The following CCSER1 variants were observed in gnomAD, a reference collection of about 807,000 sequenced individuals.
The protein encoded by CCSER1 is serine-rich coiled-coil domain-containing protein 1.
Under a neutral mutation model 82.0 loss-of-function variants are expected in CCSER1, and 41 were observed. The observed-to-expected ratio is 0.50, with a 90% CI of 0.39 to 0.65. The LOEUF (loss-of-function observed/expected upper bound fraction) is 0.65, where lower values mean the gene tolerates loss of function less well. Ranked by LOEUF, CCSER1 falls within the 30% of genes least tolerant of loss-of-function variation. The pLI, the probability that CCSER1 is intolerant of heterozygous loss-of-function variation, is 0.00. For missense variants in CCSER1, 1,119 were observed against 1,064.2 expected (o/e 1.05, Z -0.72); for synonymous variants, 414 against 383.9 (o/e 1.08, Z -0.92).
At chr4:90,514,469 T>C (rs1446610850) in intron 5 of CCSER1, among the ~76,000 whole-genome samples, 3 of 152,108 alleles carry the variant, frequency 2.0e-5, no homozygotes, top group Non-Finnish European at 4.4e-5. Flanking sequence ...TAGAAAACAT[T>C]TTAGGCCAGA....
chr4:91,249,518 A>G (rs1330051907), intron 10 of CCSER1, among the ~76,000 whole-genome samples: 1 of 152,066 alleles, frequency 6.6e-6, no homozygotes, highest in Admixed American at 6.6e-5. Flanking sequence ...TTCTGTCTCT[A>G]AAGGGATAAC....
chr4:90,802,077 G>C (rs1303590922), intron 7 of CCSER1, among the ~76,000 whole-genome samples: 1 of 151,790 alleles, frequency 6.6e-6, no homozygotes, highest in Admixed American at 6.6e-5. Flanking sequence ...AATTAGCCAG[G>C]CATGGTGGTG....
chr4:90,492,304 T>C (rs1387028099), intron 5 of CCSER1, among the ~76,000 whole-genome samples: 1 of 152,202 alleles, frequency 6.6e-6, no homozygotes, highest in Non-Finnish European at 1.5e-5. Flanking sequence ...TTGGTTTGCA[T>C]AGAGGTGTTT....
At chr4:90,915,342 G>A (rs879177737) in intron 8 of CCSER1, among the ~76,000 whole-genome samples, 2 of 152,120 alleles carry the variant, frequency 1.3e-5, no homozygotes, top group African/African-American at 4.8e-5. Flanking sequence ...TCATCCCTGG[G>A]ATGTGAGGCG....
At chr4:91,172,656 A>T (rs1039900042) in intron 10 of CCSER1, among the ~76,000 whole-genome samples, 6 of 152,146 alleles carry the variant, frequency 3.9e-5, no homozygotes, top group African/African-American at 1.2e-4. Context: ...ATCAACAGAC[A>T]CATAACACGC....
At chr4:91,233,610 C>A (rs1338234939) in intron 10 of CCSER1, among the ~76,000 whole-genome samples, 2 of 151,862 alleles carry the variant, frequency 1.3e-5, no homozygotes, top group East Asian at 3.8e-4. Context: ...TTGAAACATC[C>A]AACAATATTG....
In CCSER1 at chr4:90,584,192, TC is replaced by T. The variant is rs202060478; in HGVS notation, c.1725-43832del. ...TAATTAATGTCTCAAATCATTGATCTCAACATAAGGAGATTATCTAGTTTTG... is the reference window on the plus strand; with the variant it reads ...TAATTAATGTCTCAAATCATTGATCTAACATAAGGAGATTATCTAGTTTTG... On this transcript the variant is annotated intron_variant, in intron 5 of 10. Transcript: ENST00000509176. Among the ~76,000 whole-genome samples, 880 of 152,274 alleles carry T rather than the reference TC, an allele frequency of 5.8e-3. 11 individuals are homozygous for T. The highest frequency in any genetic ancestry group is 0.02 in the African/African-American group (844 of 41,546).
At chr4:91,370,061 A>T (rs1749924145) in intron 10 of CCSER1, among the ~76,000 whole-genome samples, 1 of 151,600 alleles carries the variant, frequency 6.6e-6, no homozygotes, top group Non-Finnish European at 1.5e-5. Context: ...TAAAATTGAT[A>T]CTAGTCTATT....
chr4:90,210,694 C>T (rs1739815707), intron 1 of CCSER1, among the ~76,000 whole-genome samples: 1 of 152,094 alleles, frequency 6.6e-6, no homozygotes, highest in South Asian at 2.1e-4. Flanking sequence ...ATCCTCTGGC[C>T]TCAGCCTCCC....
At chr4:90,535,944 A>G (rs540891066) in intron 5 of CCSER1, among the ~76,000 whole-genome samples, 2 of 152,074 alleles carry the variant, frequency 1.3e-5, no homozygotes, top group South Asian at 2.1e-4. Flanking sequence ...CTTGAGTATC[A>G]TATGTCTTGA....
intron 5 of CCSER1, among the ~76,000 whole-genome samples, chr4:90,476,177 C>T (rs935717365): frequency 6.6e-6 from 1 of 152,098 alleles, no homozygotes; most frequent in African/African-American, 2.4e-5. Flanking sequence ...GGATTCTTGC[C>T]TTAGGCCCTG....
At chr4:91,129,064 C>T (rs1727765591) in intron 10 of CCSER1, among the ~76,000 whole-genome samples, 1 of 151,972 alleles carries the variant, frequency 6.6e-6, no homozygotes. Flanking sequence ...ATTTGTTTCT[C>T]CTTATAATTT....
intron 6 of CCSER1, among the ~76,000 whole-genome samples, chr4:90,633,299 A>G (rs1049419313): frequency 3.9e-5 from 6 of 152,104 alleles, no homozygotes; most frequent in Non-Finnish European, 8.8e-5. Flanking sequence ...GTAAGTATGT[A>G]GTAAATTTCT....
At chr4:91,222,743 G>T (rs1477771776) in intron 10 of CCSER1, among the ~76,000 whole-genome samples, 1 of 152,092 alleles carries the variant, frequency 6.6e-6, no homozygotes. Flanking sequence ...TATTCATTCT[G>T]TGCTGTCCAG....
At chr4:91,272,097 A>T (rs1221942668) in intron 10 of CCSER1, among the ~76,000 whole-genome samples, 1 of 152,156 alleles carries the variant, frequency 6.6e-6, no homozygotes, top group Non-Finnish European at 1.5e-5. Context: ...TTTTCATATA[A>T]TGACTTATTT....
chr4:91,339,963 A>C, intron 10 of CCSER1, among the ~76,000 whole-genome samples: 1 of 151,876 alleles, frequency 6.6e-6, no homozygotes, highest in East Asian at 1.9e-4. Context: ...CTAAAAATAC[A>C]AAAATTAGCC....
chr4:90,264,173 G>T (rs1472926372), intron 1 of CCSER1, among the ~76,000 whole-genome samples: 1 of 152,036 alleles, frequency 6.6e-6, no homozygotes, highest in African/African-American at 2.4e-5. Context: ...TGCTATTCTT[G>T]TCAATATTCT....
At chr4:91,493,047 G>A (rs1758632462) in intron 10 of CCSER1, among the ~76,000 whole-genome samples, 1 of 151,966 alleles carries the variant, frequency 6.6e-6, no homozygotes. Flanking sequence ...AAAGCAATAT[G>A]AAATACTCGT....
At chr4:91,383,403 A>ATTT (rs1751064538) in intron 10 of CCSER1, among the ~76,000 whole-genome samples, 2 of 152,208 alleles carry the variant, frequency 1.3e-5, no homozygotes, top group Middle Eastern at 3.4e-3. Flanking sequence ...AATTAAAACA[A>ATTT]TATGATAACA....
Sources: allele counts gnomAD v4.1 joint callset (sites outside exome capture counted in the v4.1 genomes callset), GRCh38; gene constraint gnomAD v4.1.1; transcripts MANE v1.5; gene names NCBI Gene and HGNC (gene_info 2026-07-23, HGNC 2026-07-21).